TNRC6B: variants seen among roughly 807,000 people sequenced by gnomAD.
The protein encoded by TNRC6B is trinucleotide repeat containing adaptor 6B.
A neutral mutation model predicts 203.6 loss-of-function variants in TNRC6B; 52 were observed. The observed-to-expected ratio is 0.26, with a 90% confidence interval of 0.20 to 0.32. The LOEUF is 0.32. Ranked by LOEUF, TNRC6B falls within the 10% of genes least tolerant of loss-of-function variation. TNRC6B has a pLI of 1.00. For synonymous variants in TNRC6B, 838 were observed against 845.7 expected, an observed-to-expected ratio of 0.99 and a Z score of 0.16; for missense variants, 1,923 against 2,286.2, an observed-to-expected ratio of 0.84 and a Z score of 3.24.
intron 3 of TNRC6B, among the ~76,000 whole-genome samples, chr22:40,149,279 T>C (rs937762195): frequency 1.3e-5 from 2 of 152,218 alleles, no homozygotes; most frequent in African/African-American, 2.4e-5. Context: ...ACATACTGTT[T>C]GATTCCACTT....
At chr22:40,272,668 T>C (rs576428520) in intron 6 of TNRC6B, among the ~76,000 whole-genome samples, 5 of 152,232 alleles carry the variant, frequency 3.3e-5, no homozygotes, top group African/African-American at 4.8e-5. Context: ...AAATTAAAGA[T>C]CTTTGTTTAG....
At chr22:40,273,716 G>C in intron 7 of TNRC6B, 116 bp downstream of exon 7, 1 of 1,173,976 alleles carries the variant, frequency 8.5e-7, no homozygotes, top group South Asian at 1.6e-5. Context: ...CCAGACTGGA[G>C]TGCAGTGGGA....
intron 1 of TNRC6B, among the ~76,000 whole-genome samples, chr22:40,075,908 G>A (rs922903804): frequency 5.3e-5 from 8 of 151,964 alleles, no homozygotes; most frequent in African/African-American, 1.9e-4. Flanking sequence ...TATATCTTTG[G>A]ACTATTGTCA....
intron 1 of TNRC6B, among the ~76,000 whole-genome samples, chr22:40,225,466 C>T (rs921459019): frequency 2.0e-5 from 3 of 152,186 alleles, no homozygotes; most frequent in African/African-American, 7.2e-5. Context: ...CAGTGGCTCA[C>T]GCCAGTAATC....
intron 9 of TNRC6B, among the ~76,000 whole-genome samples, 167 bp from the exon 10 acceptor site, chr22:40,279,828 C>T (rs1415674517): frequency 2.6e-5 from 4 of 152,108 alleles, no homozygotes; most frequent in Non-Finnish European, 1.5e-5. Context: ...CAGGGACAAA[C>T]ACCAGCAGCC....
intron 4 of TNRC6B, among the ~76,000 whole-genome samples, chr22:40,160,251 C>G (rs1033669225): frequency 2.0e-5 from 3 of 152,090 alleles, no homozygotes; most frequent in African/African-American, 7.2e-5. Flanking sequence ...CTGAGGCAGG[C>G]GGATCACCTG....
chr22:40,307,504 T>A (rs1207335824), intron 15 of TNRC6B, among the ~76,000 whole-genome samples: 7 of 151,816 alleles, frequency 4.6e-5, no homozygotes, highest in Admixed American at 4.6e-4. Flanking sequence ...TTTTTGAGAG[T>A]TTTTATGAAC....
At chr22:40,048,979 G>T (rs184122084) in intron 1 of TNRC6B, among the ~76,000 whole-genome samples, 11 of 152,202 alleles carry the variant, frequency 7.2e-5, no homozygotes, top group Admixed American at 7.2e-4. Context: ...TCCTGCCTCA[G>T]CCTCCCAAGT....
Position 40,143,676 on chromosome 22 carries a change from T to A in TNRC6B, c.46-12439T>A, listed in dbSNP as rs567579626. On this transcript the variant is annotated intron_variant, in intron 3 of 23. Transcript: ENST00000301923. ...CACGCCCCGCTAATTTTTTGTATTT[T>A]TAGTAGAGACAGGGTTTCACCGTGT... Among the ~76,000 whole-genome samples the A allele has an allele frequency of 2.6e-5, 4 of 152,210 alleles. No individual in the cohort carries two copies. In the South Asian group the frequency reaches 8.3e-4, roughly 32 times the overall value.
rs532054434 is a variant in TNRC6B, at chr22:40,329,881, A to T, written c.*6640A>T. 4 of 152,348 alleles carry T rather than the reference A, an allele frequency of 2.6e-5. No individual in the cohort carries two copies. The highest frequency in any genetic ancestry group is 9.6e-5 in the African/African-American group (4 of 41,570). 9.4% of individuals were successfully genotyped at this position (152,348 alleles called of 1,614,324 possible). A position where few individuals can be genotyped will look rare whatever the true frequency, so the allele number is the denominator to read the frequency against. ...CCTTTTCAGTTAGCTATATACCTGA[A>T]TTTGTTTTTAACAAGAAACTGTACA... On this transcript the variant is annotated 3_prime_UTR_variant, in exon 23 of 23. Coordinates refer to ENST00000454349, the MANE Select transcript of TNRC6B (RefSeq NM_001162501.2).
Position 40,177,980 on chromosome 22 carries a change from TC to T in TNRC6B, c.-155del. On this transcript the variant is annotated 5_prime_UTR_variant, in exon 1 of 23. Transcript: ENST00000454349. ...GGAGAGTGTGTGAGAGAGAGTTAGT[TC>T]AAGCCAAAATGGCCGACAGAGTCTC... 1 of 1,486,346 alleles carries T rather than the reference TC, an allele frequency of 6.7e-7. No homozygotes were observed. Among genetic ancestry groups the T allele is most frequent in the South Asian group, 1.4e-5 (1 of 71,682 alleles). 92.1% of individuals were successfully genotyped at this position (1,486,346 alleles called of 1,614,324 possible).
intron 7 of TNRC6B, among the ~76,000 whole-genome samples, chr22:40,276,263 C>T (rs1275657544): frequency 2.0e-5 from 3 of 151,064 alleles, no homozygotes; most frequent in Admixed American, 6.6e-5. Context: ...AGGAGAATGG[C>T]GTGAGCCCGG....
At chr22:40,307,022 A>G (rs545344557) in intron 15 of TNRC6B, among the ~76,000 whole-genome samples, 21 of 152,102 alleles carry the variant, frequency 1.4e-4, no homozygotes, top group African/African-American at 5.1e-4. Flanking sequence ...TTTTCATCTC[A>G]TTCTAAAGAT....
chr22:40,208,669 AG>A (rs2069518640), intron 1 of TNRC6B, among the ~76,000 whole-genome samples: 1 of 152,138 alleles, frequency 6.6e-6, no homozygotes, highest in African/African-American at 2.4e-5. Flanking sequence ...AGTACCGGAA[AG>A]GTTATTCCTT....
rs566893919 is a variant in TNRC6B, at chr22:40,079,888, C to T, written c.-121+34890C>T. Among the ~76,000 whole-genome samples, 14 of 152,234 alleles carry T rather than the reference C, an allele frequency of 9.2e-5. No individual in the cohort carries two copies. In the Middle Eastern group the frequency reaches 0.01, roughly 111 times the overall value. On this transcript the variant is annotated intron_variant, in intron 1 of 23. Coordinates refer to the TNRC6B transcript ENST00000301923. ...TCGGCTCACTGCAAGCTCCGCCTCC[C>T]GGCTTCATGCCATTCTCCTGCCTCA...
chr22:40,320,826 G>C (rs2071325222), intron 21 of TNRC6B, among the ~76,000 whole-genome samples: 1 of 152,186 alleles, frequency 6.6e-6, no homozygotes. Context: ...TACATGAGCA[G>C]TGATGCTAAG....
chr22:40,150,521 A>G (rs79499264), intron 3 of TNRC6B, among the ~76,000 whole-genome samples: 2,323 of 152,356 alleles, frequency 0.015, 25 homozygotes, highest in South Asian at 0.03. Flanking sequence ...CACTAAAAAC[A>G]GCAAGATGGG....
intron 3 of TNRC6B, among the ~76,000 whole-genome samples, chr22:40,155,906 A>G (rs959758130): frequency 6.6e-6 from 1 of 152,146 alleles, no homozygotes; most frequent in Non-Finnish European, 1.5e-5. Context: ...ATCCTTTGTC[A>G]GAGTTATGTG....
chr22:40,318,920 A>C (rs1569068714), intron 21 of TNRC6B, among the ~76,000 whole-genome samples: 2 of 151,934 alleles, frequency 1.3e-5, no homozygotes, highest in Non-Finnish European at 2.9e-5. Context: ...AAAAGACAAA[A>C]ATTAGCCGGG....
Sources: allele counts gnomAD v4.1 joint callset (sites outside exome capture counted in the v4.1 genomes callset), GRCh38; gene constraint gnomAD v4.1.1; transcripts MANE v1.5; gene names NCBI Gene and HGNC (gene_info 2026-07-23, HGNC 2026-07-21).